SCARA5: variants seen among roughly 807,000 people sequenced by gnomAD.
The protein encoded by SCARA5 is scavenger receptor class A member 5.
SCARA5 carries 45 observed loss-of-function variants against 46.3 expected under a neutral mutation model. The ratio of observed to expected loss-of-function variants is 0.97; its 90% confidence interval spans 0.76 to 1.24. The LOEUF is 1.24. Among genes scored for constraint, SCARA5 ranks in the 50% most tolerant of loss-of-function variants. The pLI, the probability that SCARA5 is intolerant of heterozygous loss-of-function variation, is 0.00. For missense variants in SCARA5, 680 were observed against 689.0 expected, an observed-to-expected ratio of 0.99 and a Z score of 0.15; for synonymous variants, 333 against 306.5, an observed-to-expected ratio of 1.09 and a Z score of -0.90.
intron 1 of SCARA5, among the ~76,000 whole-genome samples, chr8:27,989,156 G>A (rs1447786994): frequency 4.3e-5 from 3 of 70,114 alleles, no homozygotes; most frequent in Admixed American, 4.3e-4. Context: ...TTTTTTTTGA[G>A]ACAGGGTCTC....
intron 7 of SCARA5, 74 bp from the exon 8 acceptor site, chr8:27,879,840 C>A: frequency 1.4e-6 from 2 of 1,439,910 alleles, no homozygotes; most frequent in South Asian, 1.2e-5. Flanking sequence ...TTCTTTGACT[C>A]CGCCTACCCC....
At chr8:27,877,505 A>C (rs1014608467) in intron 8 of SCARA5, among the ~76,000 whole-genome samples, 1 of 152,210 alleles carries the variant, frequency 6.6e-6, no homozygotes, top group African/African-American at 2.4e-5. Context: ...AGTCAGGCTA[A>C]CATGACCTGT....
intron 2 of SCARA5, 122 bp downstream of exon 2, chr8:27,987,382 T>C (rs908018681): frequency 5.0e-5 from 35 of 706,300 alleles, no homozygotes; most frequent in Admixed American, 2.4e-4. Flanking sequence ...GTTCAATATA[T>C]GCACTATTAC....
At chr8:27,891,700 G>T (rs905663535) in intron 7 of SCARA5, among the ~76,000 whole-genome samples, 3 of 152,150 alleles carry the variant, frequency 2.0e-5, no homozygotes, top group African/African-American at 7.2e-5. Flanking sequence ...AACCCAGATG[G>T]GTTTTACATG....
intron 7 of SCARA5, among the ~76,000 whole-genome samples, chr8:27,891,210 GT>G (rs34929949): frequency 1.5e-4 from 10 of 66,034 alleles, no homozygotes; most frequent in Non-Finnish European, 2.6e-4. Context: ...TTTTTTTTTT[GT>G]TTTTTTTTTT....
intron 3 of SCARA5, among the ~76,000 whole-genome samples, chr8:27,948,906 T>C (rs1344926469): frequency 6.6e-6 from 1 of 152,274 alleles, no homozygotes; most frequent in Non-Finnish European, 1.5e-5. Flanking sequence ...GCCGTTTGTG[T>C]ATATCGATGT....
At chr8:27,885,329 G>C (rs769060421) in intron 7 of SCARA5, among the ~76,000 whole-genome samples, 4 of 152,158 alleles carry the variant, frequency 2.6e-5, no homozygotes, top group Admixed American at 6.5e-5. Flanking sequence ...TTGTCTTTTA[G>C]ATCTCAGCTT....
At position 27,922,074 on chromosome 8, in the gene SCARA5, G is replaced by C; in HGVS notation, c.413C>G (p.Ser138Trp). Residue 138 changes from serine to tryptophan, a missense_variant, in exon 4 of 9, where the codon TCG (serine) becomes TGG (tryptophan). By Grantham distance (177) the Ser-to-Trp change is radical (BLOSUM62 -3). Around this residue, in one of 3 missense-constraint regions of SCARA5, gnomAD observed 438 missense variants for 384.5 expected, o/e 1.14. Transcript: ENST00000354914. ...CACTGCGCCCGCCAGCGCCAGCAAC[G>C]AGTCTGACTGGTTCTGCAGCGCGTC... ...VQDALQNQSD[S>W]LLALAGAVQR... 6.3e-7 allele frequency: 1 copy of C among 1,596,230 alleles called. No homozygotes were observed. Among genetic ancestry groups the C allele is most frequent in the Non-Finnish European group, 8.5e-7 (1 of 1,173,636 alleles).
intron 3 of SCARA5, among the ~76,000 whole-genome samples, chr8:27,946,067 A>C (rs1464128439): frequency 1.3e-5 from 2 of 152,258 alleles, no homozygotes; most frequent in African/African-American, 4.8e-5. Context: ...GAAGTAACCC[A>C]AAAGAAGGGA....
intron 3 of SCARA5, among the ~76,000 whole-genome samples, chr8:27,939,603 C>T (rs1243754262): frequency 6.6e-6 from 1 of 152,152 alleles, no homozygotes; most frequent in African/African-American, 2.4e-5. Flanking sequence ...AACAAGAAGC[C>T]TCTTGTCCTG....
intron 2 of SCARA5, among the ~76,000 whole-genome samples, chr8:27,984,505 C>T (rs577331953): frequency 6.6e-6 from 1 of 152,060 alleles, no homozygotes; most frequent in Admixed American, 6.5e-5. Context: ...TTTATTCATT[C>T]ATCTATCCAT....
chr8:27,982,095 C>T lies in SCARA5; in HGVS notation c.112+5409G>A, dbSNP rs370511011. 2.0e-4 allele frequency among the ~76,000 whole-genome samples: 30 copies of T among 152,244 alleles called. No individual in the cohort carries two copies. In the East Asian group the frequency reaches 3.5e-3, roughly 18 times the overall value. ...AGGCAGCGAGCGGCCCGGCTGCAGG[C>T]GTCGGCAGCTGCCAGGAGCATGTGT... is the stretch of plus-strand genomic sequence containing the variant. On this transcript the variant is annotated intron_variant, in intron 2 of 8. Coordinates refer to ENST00000354914, the MANE Select transcript of SCARA5 (RefSeq NM_173833.6).
chr8:27,977,756 C>G (rs186872382), intron 2 of SCARA5, among the ~76,000 whole-genome samples: 39 of 152,362 alleles, frequency 2.6e-4, no homozygotes, highest in Admixed American at 2.4e-3. Flanking sequence ...TCCTGATCCC[C>G]GGGTATCACT....
chr8:27,930,793 C>T (rs886804877), intron 3 of SCARA5, among the ~76,000 whole-genome samples: 3 of 152,172 alleles, frequency 2.0e-5, no homozygotes, highest in African/African-American at 7.2e-5. Flanking sequence ...GGCCACCCTG[C>T]TAGTAGGAAG....
At chr8:27,907,110 T>C (rs2726987) in intron 6 of SCARA5, 38 bp downstream of exon 6, 1,088,300 of 1,483,126 alleles carry the variant, frequency 0.73, 400,916 homozygotes, top group East Asian at 0.8. Flanking sequence ...TGCCTGGGAC[T>C]GGTGGTGAGG....
intron 7 of SCARA5, among the ~76,000 whole-genome samples, chr8:27,901,555 C>T (rs1224907973): frequency 6.6e-6 from 1 of 152,120 alleles, no homozygotes; most frequent in Non-Finnish European, 1.5e-5. Flanking sequence ...CCCCACAGAG[C>T]CCGGGTCTCA....
intron 3 of SCARA5, among the ~76,000 whole-genome samples, chr8:27,964,497 G>A (rs1328243535): frequency 6.6e-6 from 1 of 152,130 alleles, no homozygotes; most frequent in Non-Finnish European, 1.5e-5. Context: ...GAAGCTTCCA[G>A]GACATTATTA....
chr8:27,881,785 C>A (rs150114303), intron 7 of SCARA5, among the ~76,000 whole-genome samples: 32 of 152,050 alleles, frequency 2.1e-4, no homozygotes, highest in Non-Finnish European at 4.4e-5. Context: ...TACAACACCC[C>A]TCCCTCTACA....
At chr8:27,948,547 C>T (rs1206785859) in intron 3 of SCARA5, among the ~76,000 whole-genome samples, 6 of 152,220 alleles carry the variant, frequency 3.9e-5, no homozygotes, top group African/African-American at 1.2e-4. Flanking sequence ...GTCCACTGGG[C>T]CGAAGGGTGT....
Sources: gnomAD v4.1 joint callset for allele counts (sites outside exome capture counted in the v4.1 genomes callset) on GRCh38, gnomAD v4.1.1 for gene constraint, gnomAD v4.1.1 regional missense constraint, MANE v1.5 for transcripts, NCBI Gene and HGNC (gene_info 2026-07-23, HGNC 2026-07-21) for gene names.